CA5A: variants seen among roughly 807,000 people sequenced by gnomAD.
CA5A encodes carbonic anhydrase 5A.
A neutral mutation model predicts 37.1 loss-of-function variants in CA5A; 28 were observed. That is an observed-to-expected ratio of 0.75 (90% confidence interval 0.56 to 1.03). The LOEUF (loss-of-function observed/expected upper bound fraction) is 1.03, where lower values mean the gene tolerates loss of function less well. Ranked by LOEUF, CA5A falls within the 50% of genes least tolerant of loss-of-function variation. The probability of loss-of-function intolerance (pLI) is 0.00; values close to 1 mark genes in which losing one functional copy is unlikely to be tolerated. For synonymous variants in CA5A, 171 were observed against 158.4 expected (o/e 1.08, Z -0.60); for missense variants, 444 against 399.9 (o/e 1.11, Z -0.94).
At chr16:87,913,668 C>G (rs1567527468) in intron 2 of CA5A, among the ~76,000 whole-genome samples, 1 of 145,018 alleles carries the variant, frequency 6.9e-6, no homozygotes, top group African/African-American at 2.7e-5. Flanking sequence ...CCCCTCCTCT[C>G]CAATACGAAG....
At chr16:87,883,417 C>A (rs1597533496), downstream of CA5A, 2 of 151,706 alleles carry the variant, frequency 1.3e-5, no homozygotes, top group African/African-American at 4.9e-5. Flanking sequence ...GAAACCTCCA[C>A]CTCCTGGGTT....
At chr16:87,901,824 T>G (rs2055882343) in intron 5 of CA5A, 88 bp downstream of exon 5, 2 of 1,087,068 alleles carry the variant, frequency 1.8e-6, no homozygotes, top group East Asian at 2.8e-5. Flanking sequence ...CAACCTCACG[T>G]GATCCACCTG....
rs2055664544 is a variant in CA5A, at chr16:87,888,173, C to G, written c.874G>C (p.Val292Leu). 6.2e-7 allele frequency: 1 copy of G among 1,613,834 alleles called. No homozygotes were observed. Among genetic ancestry groups the G allele is most frequent in the African/African-American group, 1.3e-5 (1 of 74,920 alleles). ...RPLQPLMNRK[V>L]WASFQATNEG... ...TTAGTGGCCTGGAAGGACGCCCAGA[C>G]CTTCCGGTTCATCAAGGGTTGAAGT... is the stretch of plus-strand genomic sequence containing the variant. Residue 292 changes from valine (V) to leucine (L), a missense_variant, in exon 7 of 7, where the codon GTC becomes CTC. Val to Leu is a conservative substitution (Grantham distance 32). Transcript: ENST00000649794.
chr16:87,923,609 G>A, intron 2 of CA5A: 3 of 985,450 alleles, frequency 3.0e-6, no homozygotes, highest in East Asian at 1.1e-4. Flanking sequence ...TTAGCCGGGT[G>A]CCTGATGCTC....
At chr16:87,905,863 C>T (rs923402042) in intron 2 of CA5A, among the ~76,000 whole-genome samples, 3 of 152,244 alleles carry the variant, frequency 2.0e-5, no homozygotes, top group Admixed American at 1.3e-4. Context: ...GTGCCAGGTG[C>T]AGCCTCCCAG....
intron 2 of CA5A, among the ~76,000 whole-genome samples, chr16:87,907,031 A>G (rs1449829922): frequency 6.6e-6 from 1 of 152,144 alleles, no homozygotes; most frequent in African/African-American, 2.4e-5. Flanking sequence ...AGCCTGGCCA[A>G]CATGATAAAA....
chr16:87,908,625 G>C (rs541715714), intron 2 of CA5A, among the ~76,000 whole-genome samples: 42 of 152,234 alleles, frequency 2.8e-4, no homozygotes, highest in African/African-American at 9.6e-4. Flanking sequence ...AACCAACAAG[G>C]GCCAGGAACG....
At chr16:87,932,202 C>T (rs74421898) in intron 1 of CA5A, among the ~76,000 whole-genome samples, 1 of 152,162 alleles carries the variant, frequency 6.6e-6, no homozygotes, top group Non-Finnish European at 1.5e-5. Context: ...CCCCCTCCCA[C>T]GGCCGCTGCC....
intron 2 of CA5A, among the ~76,000 whole-genome samples, chr16:87,922,986 G>C (rs2056251257): frequency 6.6e-6 from 1 of 152,222 alleles, no homozygotes; most frequent in African/African-American, 2.4e-5. Context: ...CTGCAGTGGT[G>C]CAAGTGAAGC....
chr16:87,888,773 C>G (rs986251757), intron 6 of CA5A, among the ~76,000 whole-genome samples: 2 of 152,180 alleles, frequency 1.3e-5, no homozygotes, highest in Non-Finnish European at 2.9e-5. Context: ...TTGTTTGAGA[C>G]AGTGTTTCGC....
chr16:87,929,917 A>C (rs1032450996), intron 1 of CA5A, among the ~76,000 whole-genome samples: 4 of 151,406 alleles, frequency 2.6e-5, no homozygotes, highest in Non-Finnish European at 4.4e-5. Context: ...ATCAGAAGTC[A>C]GTAGAATGTA....
At chr16:87,918,558 G>A (rs1166050635) in intron 2 of CA5A, among the ~76,000 whole-genome samples, 2 of 152,180 alleles carry the variant, frequency 1.3e-5, no homozygotes, top group African/African-American at 2.4e-5. Flanking sequence ...CCACGCCGAC[G>A]GAAATTTCCT....
intron 2 of CA5A, among the ~76,000 whole-genome samples, chr16:87,920,829 T>C (rs944840338): frequency 6.6e-6 from 1 of 152,114 alleles, no homozygotes; most frequent in Non-Finnish European, 1.5e-5. Flanking sequence ...GTTTCACTCT[T>C]GTCACCCAGG....
In CA5A at chr16:87,904,267, G is replaced by C. The variant is rs1183175523; in HGVS notation, c.459+519C>G. Among the ~76,000 whole-genome samples the C allele has an allele frequency of 1.2e-4, 18 of 152,146 alleles. No individual in the cohort carries two copies. The South Asian group carries it at 2.9e-3, about 25-fold the overall frequency. ...TGAGGCAGGAGAATCGCTTGAGCCTGGGAGACGGAGGTTGTGGTGAGCCAA... is the reference window on the plus strand; with the variant it reads ...TGAGGCAGGAGAATCGCTTGAGCCTCGGAGACGGAGGTTGTGGTGAGCCAA... On this transcript the variant is annotated intron_variant, in intron 3 of 6. Transcript: ENST00000649794.
Position 87,893,822 on chromosome 16 carries a change from G to T in CA5A, c.619-1868C>A, listed in dbSNP as rs568866309. ...GGGTCTTACTTTGTCACCCAGGCAG[G>T]AGTGCAATGATGCCATCATAGCTCA... On this transcript the variant is annotated intron_variant, in intron 5 of 6. Transcript: ENST00000649794. The T allele has an allele frequency of 1.7e-3, 578 of 336,710 alleles. 6 individuals are homozygous for T. The highest frequency in any genetic ancestry group is 2.8e-3 in the South Asian group (115 of 41,058). 20.9% of individuals were successfully genotyped at this position (336,710 alleles called of 1,614,324 possible). A position where few individuals can be genotyped will look rare whatever the true frequency, so the allele number is the denominator to read the frequency against.
rs560071599 is a variant in CA5A, at chr16:87,918,091, A to T, written c.340+8657T>A. Among the ~76,000 whole-genome samples, 20 of 152,348 alleles carry T rather than the reference A, an allele frequency of 1.3e-4. No individual in the cohort carries two copies. The East Asian group carries it at 3.9e-3, about 29-fold the overall frequency. On this transcript the variant is annotated intron_variant, in intron 2 of 6. Coordinates refer to ENST00000649794, the MANE Select transcript of CA5A (RefSeq NM_001739.2). Reference sequence around the variant, plus strand: ...CCACTAGAGGAGCCAAGAGGTCCCTAGAGCCTCCTCCTCTGATGCGGACAG... The same window carrying T: ...CCACTAGAGGAGCCAAGAGGTCCCTTGAGCCTCCTCCTCTGATGCGGACAG...
chr16:87,881,629 C>T (rs2055608414), exon 5 of CA5A: 1 of 152,128 alleles, frequency 6.6e-6, no homozygotes, highest in Admixed American at 6.6e-5. Flanking sequence ...AAAAGCTGGG[C>T]CAGAAATTCT....
chr16:87,914,118 A>T (rs1751562889), intron 2 of CA5A, among the ~76,000 whole-genome samples: 1 of 152,228 alleles, frequency 6.6e-6, no homozygotes. Flanking sequence ...GTGTTTGCTC[A>T]ATATTTGCTG....
In CA5A at chr16:87,889,510, A is replaced by T. The variant is rs1362838471; in HGVS notation, c.775-1238T>A. Among the ~76,000 whole-genome samples the T allele has an allele frequency of 2.0e-5, 3 of 151,712 alleles. No individual in the cohort carries two copies. In the South Asian group the frequency reaches 6.3e-4, roughly 32 times the overall value. On this transcript the variant is annotated intron_variant, in intron 6 of 6. Transcript: ENST00000649794. ...TTTTTATGGCTGGATGTGGTGCCTC[A>T]CGCCTGTAATCCCAGCACTTTGGGA...
Sources: allele counts gnomAD v4.1 joint callset (sites outside exome capture counted in the v4.1 genomes callset), GRCh38; gene constraint gnomAD v4.1.1; transcripts MANE v1.5; gene names NCBI Gene and HGNC (gene_info 2026-07-23, HGNC 2026-07-21).